Variants in CIBAR1 observed in about 807,000 individuals in gnomAD.
The protein encoded by CIBAR1 is CBY1-interacting BAR domain-containing protein 1.
In CIBAR1, 25 loss-of-function variants were observed where a neutral mutation model predicts 44.0. The ratio of observed to expected loss-of-function variants is 0.57; its 90% confidence interval spans 0.41 to 0.79. The LOEUF is 0.79. Among genes scored for constraint, CIBAR1 ranks in the 30% least tolerant of loss-of-function variants. The probability of loss-of-function intolerance (pLI) is 0.00; values close to 1 mark genes in which losing one functional copy is unlikely to be tolerated. For missense variants in CIBAR1, 278 were observed against 344.8 expected (o/e 0.81, Z 1.53); for synonymous variants, 115 against 119.0 (o/e 0.97, Z 0.22).
chr8:93,702,442 G>C, intron 2 of CIBAR1: 1 of 441,352 alleles, frequency 2.3e-6, no homozygotes, highest in South Asian at 1.6e-5. Context: ...GAAAACCTTT[G>C]TGCTATTTAT....
chr8:93,723,003 A>T (rs556877350), intron 7 of CIBAR1, among the ~76,000 whole-genome samples: 29 of 152,070 alleles, frequency 1.9e-4, no homozygotes, highest in East Asian at 9.7e-4. Context: ...TTATTTATTT[A>T]TTTATTTTTT....
rs566821747 is a variant in CIBAR1, at chr8:93,704,462, A to T, written c.331-447A>T. ...AGAATCTGATGCTGCCTCTGATCTA[A>T]CAAGAGGCAGAGCTCAGGCCTTAAT... On this transcript the variant is annotated intron_variant, in intron 3 of 8. Coordinates refer to ENST00000518322, the MANE Select transcript of CIBAR1 (RefSeq NM_145269.5). Among the ~76,000 whole-genome samples, 6 of 152,304 alleles carry T rather than the reference A, an allele frequency of 3.9e-5. No homozygotes were observed. The South Asian group carries it at 1.2e-3, about 32-fold the overall frequency.
In CIBAR1 at chr8:93,701,097, T is replaced by G. The variant is rs1161182581; in HGVS notation, c.27-127T>G. On this transcript the variant is annotated intron_variant, in intron 1 of 8. Coordinates refer to ENST00000518322, the MANE Select transcript of CIBAR1 (RefSeq NM_145269.5). Reference sequence around the variant, plus strand: ...GAGAGCAGTCCGCGCCGGGAGACGCTGGGTCGTTGATGGGTTTACGCCTTC... The same window carrying G: ...GAGAGCAGTCCGCGCCGGGAGACGCGGGGTCGTTGATGGGTTTACGCCTTC... 4.0e-6 allele frequency: 6 copies of G among 1,488,400 alleles called. No homozygotes were observed. The African/African-American group carries it at 8.4e-5, about 21-fold the overall frequency. 92.2% of individuals were successfully genotyped at this position (1,488,400 alleles called of 1,614,324 possible). A position where few individuals can be genotyped will look rare whatever the true frequency, so the allele number is the denominator to read the frequency against.
At chr8:93,710,867 A>G (rs1810797164) in intron 6 of CIBAR1, among the ~76,000 whole-genome samples, 1 of 151,768 alleles carries the variant, frequency 6.6e-6, no homozygotes. Flanking sequence ...TTAAGCAGAG[A>G]CATAAAATAT....
chr8:93,714,294 T>C (rs903615893), intron 6 of CIBAR1, among the ~76,000 whole-genome samples: 1 of 152,248 alleles, frequency 6.6e-6, no homozygotes, highest in Admixed American at 6.5e-5. Flanking sequence ...CAGTTGATTT[T>C]TGTATACTGA....
In CIBAR1 at chr8:93,720,333, G is replaced by C. The variant is rs911905312; in HGVS notation, c.657+1545G>C. 2.0e-5 allele frequency among the ~76,000 whole-genome samples: 3 copies of C among 151,998 alleles called. No homozygotes were observed. The East Asian group carries it at 5.8e-4, about 29-fold the overall frequency. ...GTAAAGAGACCCTCTGAGCCTTCCT[G>C]TCCCATTACTCCACGGGCTCCAGGA... is the stretch of plus-strand genomic sequence containing the variant. On this transcript the variant is annotated intron_variant, in intron 7 of 8. Coordinates refer to ENST00000518322, the MANE Select transcript of CIBAR1 (RefSeq NM_145269.5).
At chr8:93,703,976 A>T (rs1376033295) in intron 3 of CIBAR1, among the ~76,000 whole-genome samples, 1 of 151,958 alleles carries the variant, frequency 6.6e-6, no homozygotes, top group Non-Finnish European at 1.5e-5. Flanking sequence ...AGGCAAGAAA[A>T]TCGCTTGAAC....
chr8:93,716,643 C>CT (rs1036318889), intron 6 of CIBAR1, among the ~76,000 whole-genome samples: 2 of 152,094 alleles, frequency 1.3e-5, no homozygotes, highest in Non-Finnish European at 2.9e-5. Context: ...TTTGCCACCT[C>CT]TAAGTTTTCT....
chr8:93,700,894 C>T (rs1810314799), intron 1 of CIBAR1: 2 of 1,311,012 alleles, frequency 1.5e-6, no homozygotes, highest in African/African-American at 1.5e-5. Context: ...CCCACGCCAC[C>T]GGGTCTCGGG....
chr8:93,714,758 A>G (rs1465285827), intron 6 of CIBAR1, among the ~76,000 whole-genome samples: 1 of 152,070 alleles, frequency 6.6e-6, no homozygotes, highest in Non-Finnish European at 1.5e-5. Flanking sequence ...TGCTGGGATT[A>G]CAGGTGTAAG....
At chr8:93,716,357 T>C (rs894095522) in intron 6 of CIBAR1, among the ~76,000 whole-genome samples, 1 of 151,794 alleles carries the variant, frequency 6.6e-6, no homozygotes, top group Non-Finnish European at 1.5e-5. Context: ...GTTTGTTGTT[T>C]TTTTTTTTTA....
chr8:93,700,813 G>C, intron 1 of CIBAR1, 140 bp downstream of exon 1: 1 of 1,330,494 alleles, frequency 7.5e-7, no homozygotes, highest in Non-Finnish European at 9.6e-7. Flanking sequence ...TGTGACCTGG[G>C]GCCTAATTCC....
rs1020631852 is a variant in CIBAR1, at chr8:93,729,537, C to T, written c.*1240C>T. On this transcript the variant is annotated 3_prime_UTR_variant, in exon 9 of 9. Coordinates refer to ENST00000518322, the MANE Select transcript of CIBAR1 (RefSeq NM_145269.5). ...TGCCTTGTTTGTAAAGTTAAAACTG[C>T]GTAAAACAGTAATTCTGGAATAAAA... is the stretch of plus-strand genomic sequence containing the variant. 2.0e-5 allele frequency: 3 copies of T among 152,070 alleles called. No individual in the cohort carries two copies. Among genetic ancestry groups the T allele is most frequent in the Admixed American group, 6.5e-5 (1 of 15,270 alleles). 9.4% of individuals were successfully genotyped at this position (152,070 alleles called of 1,614,324 possible).
Position 93,729,591 on chromosome 8 carries a change from T to C in CIBAR1, c.*1294T>C, listed in dbSNP as rs953708406. The C allele has an allele frequency of 6.6e-6, 1 of 152,196 alleles. No homozygotes were observed. The highest frequency in any genetic ancestry group is 1.5e-5 in the Non-Finnish European group (1 of 68,008). The allele number at this position is 152,196 out of a possible 1,614,324, so 9.4% of individuals were successfully genotyped here. A position where few individuals can be genotyped will look rare whatever the true frequency, so the allele number is the denominator to read the frequency against. ...ACATTCTGCCTACCTCAAAGAAATA[T>C]TCTAAGAACAAAAGGAATACTATCC... is the stretch of plus-strand genomic sequence containing the variant. On this transcript the variant is annotated 3_prime_UTR_variant, in exon 9 of 9. Coordinates refer to ENST00000518322, the MANE Select transcript of CIBAR1 (RefSeq NM_145269.5).
chr8:93,709,811 G>A lies in CIBAR1; in HGVS notation c.479G>A (p.Arg160Gln), dbSNP rs771296198. ...ELQRAAMDAS[R>Q]TSRHLEETIN... ...CAGAGAGCTGCAATGGATGCTAGCC[G>A]AACAAGTCGTCATCTGGAGGAAACT... The change falls in exon 6 of 9, where the codon CGA (arginine) becomes CAA (glutamine). Residue 160 changes from arginine (R) to glutamine (Q), a missense_variant. By Grantham distance (43) the Arg-to-Gln change is conservative. Transcript: ENST00000518322. The A allele has an allele frequency of 1.5e-5, 25 of 1,613,196 alleles. No homozygotes were observed. Among genetic ancestry groups the A allele is most frequent in the South Asian group, 9.9e-5 (9 of 90,868 alleles).
chr8:93,717,345 C>T (rs990305354), intron 6 of CIBAR1, among the ~76,000 whole-genome samples: 1 of 152,180 alleles, frequency 6.6e-6, no homozygotes, highest in Non-Finnish European at 1.5e-5. Context: ...TCCTGGGTAT[C>T]TAGAGATACT....
intron 6 of CIBAR1, among the ~76,000 whole-genome samples, chr8:93,717,509 C>T (rs1811078774): frequency 6.6e-6 from 1 of 152,214 alleles, no homozygotes; most frequent in South Asian, 2.1e-4. Context: ...GCCCTGTCCT[C>T]TCAGACTGAC....
At chr8:93,715,122 T>G (rs1290125212) in intron 6 of CIBAR1, among the ~76,000 whole-genome samples, 1 of 152,202 alleles carries the variant, frequency 6.6e-6, no homozygotes, top group Non-Finnish European at 1.5e-5. Flanking sequence ...GGTAATACAT[T>G]TTTGAAGACT....
intron 7 of CIBAR1, among the ~76,000 whole-genome samples, chr8:93,725,207 T>C (rs1202430721): frequency 1.3e-5 from 2 of 152,138 alleles, no homozygotes; most frequent in Non-Finnish European, 2.9e-5. Flanking sequence ...GATCTCAAAC[T>C]CCTAGGCTCA....
Sources: allele counts gnomAD v4.1 joint callset (sites outside exome capture counted in the v4.1 genomes callset), GRCh38; gene constraint gnomAD v4.1.1; transcripts MANE v1.5; gene names NCBI Gene and HGNC (gene_info 2026-07-23, HGNC 2026-07-21).